SMPD4: variants seen among roughly 807,000 people sequenced by gnomAD.
The protein encoded by SMPD4 is neutral sphingomyelinase 3.
SMPD4 carries 58 observed loss-of-function variants against 97.8 expected under a neutral mutation model. That is an observed-to-expected ratio of 0.59 (90% confidence interval 0.48 to 0.74). SMPD4 has a LOEUF of 0.74. Ranked by LOEUF, SMPD4 falls within the 30% of genes least tolerant of loss-of-function variation. The pLI is 0.00. For synonymous variants in SMPD4, 388 were observed against 450.0 expected (o/e 0.86, Z 1.74); for missense variants, 853 against 1,080.5 (o/e 0.79, Z 2.95).
At chr2:130,157,085 G>T (rs566211423) in intron 12 of SMPD4, among the ~76,000 whole-genome samples, 166 bp downstream of exon 12, 1 of 152,236 alleles carries the variant, frequency 6.6e-6, no homozygotes, top group East Asian at 1.9e-4. Context: ...TGGGCGGGGT[G>T]AGAGGACACC....
Position 130,152,258 on chromosome 2 carries a change from C to A in SMPD4, c.*297G>T, listed in dbSNP as rs536375223. The A allele has an allele frequency of 8.9e-4, 288 of 322,552 alleles. 3 individuals carry two copies. Among genetic ancestry groups the A allele is most frequent in the African/African-American group, 5.7e-3 (271 of 47,416 alleles). 20.0% of individuals were successfully genotyped at this position (322,552 alleles called of 1,614,324 possible). A position where few individuals can be genotyped will look rare whatever the true frequency, so the allele number is the denominator to read the frequency against. ...AGCCAAATGGGCAGTGGAAAAAAGG[C>A]CCCGAGAGCTGGCTTGGCCGTGAGT... is the stretch of plus-strand genomic sequence containing the variant. On this transcript the variant is annotated 3_prime_UTR_variant, in exon 20 of 20. Transcript: ENST00000680298.
At chr2:130,177,783 G>A (rs549819209) in intron 1 of SMPD4, among the ~76,000 whole-genome samples, 179 of 152,000 alleles carry the variant, frequency 1.2e-3, no homozygotes, top group Non-Finnish European at 2.1e-3. Context: ...CTGAATCCTC[G>A]GTAATGCTTG....
At chr2:130,161,686 CTA>C (rs1162948543) in intron 10 of SMPD4, among the ~76,000 whole-genome samples, 1 of 152,168 alleles carries the variant, frequency 6.6e-6, no homozygotes, top group African/African-American at 2.4e-5. Flanking sequence ...TGAGGTCACA[CTA>C]TGTGTGGCAA....
rs755019799 is a variant in SMPD4, at chr2:130,152,862, A to G, written c.2177T>C (p.Leu726Pro). 1 of 1,586,698 alleles carries G rather than the reference A, an allele frequency of 6.3e-7. No individual in the cohort carries two copies. Among genetic ancestry groups the G allele is most frequent in the Non-Finnish European group, 8.6e-7 (1 of 1,164,482 alleles). The stretch of plus-strand genomic sequence containing the variant: ...GCCGAGGAAGTCATCCCGGGAACAC[A>G]GAGCCGCCATCTGTCCTGCAAACTG... ...NHRFAGQMAA[L>P]CSRDDFLGSF... is the part of the protein sequence containing the mutation. The change falls in exon 20 of 20, where the codon CTG becomes CCG. Residue 726 changes from leucine to proline, a missense_variant. By Grantham distance (98) the Leu-to-Pro change is moderately conservative. Coordinates refer to ENST00000680298, the MANE Select transcript of SMPD4 (RefSeq NM_017951.5).
rs1198594818 is a variant in SMPD4 at position 130,153,419 on chromosome 2, A to T, written c.1925T>A (p.Leu642His). 1.2e-6 allele frequency: 2 copies of T among 1,613,718 alleles called. No homozygotes were observed. The highest frequency in any genetic ancestry group is 1.3e-5 in the African/African-American group (1 of 74,912). ...LSEAQLRQFT[L>H]ALGTTQDENG... ...CTCATCCTGGGTGGTGCCCAAGGCG[A>T]GTGTGAACTGCCTGAGCTGCGCTTC... The change falls in exon 18 of 20, where the codon CTC becomes CAC. Residue 642 changes from leucine (L) to histidine (H), a missense_variant. Physicochemically the swap from Leu to His is moderately conservative, Grantham distance 99. Transcript: ENST00000680298.
upstream of SMPD4, chr2:130,181,679 C>T: frequency 1.3e-6 from 2 of 1,548,432 alleles, 1 homozygote; most frequent in Non-Finnish European, 1.7e-6. Context: ...CCTCAAAAGG[C>T]GCGTGCGCAA....
At position 130,153,332 on chromosome 2, in the gene SMPD4, A is replaced by G; in HGVS notation, c.2012T>C (p.Leu671Pro). The part of the protein sequence containing the change: ...VGEDGLILTP[L>P]GRYQIINGLR... ...CGGGCCTCTCACCTGGTACCGCCCC[A>G]GGGGCGTAAGGATGAGTCCGTCCTC... Residue 671 changes from leucine (L) to proline (P), a missense_variant, in exon 18 of 20, where the codon CTG becomes CCG. Coordinates refer to ENST00000680298, the MANE Select transcript of SMPD4 (RefSeq NM_017951.5). 1 of 1,613,712 alleles carries G rather than the reference A, an allele frequency of 6.2e-7. No homozygotes were observed. Among genetic ancestry groups the G allele is most frequent in the Non-Finnish European group, 8.5e-7 (1 of 1,179,996 alleles).
chr2:130,154,813 A>T (rs1420322120), intron 15 of SMPD4: 43 of 597,474 alleles, frequency 7.2e-5, no homozygotes, highest in Admixed American at 5.1e-4. Context: ...GTTGCCAGGG[A>T]GAAACAGCGG....
chr2:130,179,885 C>T (rs1346997956), intron 1 of SMPD4, among the ~76,000 whole-genome samples: 5 of 152,056 alleles, frequency 3.3e-5, no homozygotes, highest in Non-Finnish European at 5.9e-5. Context: ...AAACTCCTGA[C>T]CTCGTGATCA....
intron 8 of SMPD4, among the ~76,000 whole-genome samples, chr2:130,169,277 A>C (rs1470485668): frequency 6.6e-6 from 1 of 152,206 alleles, no homozygotes; most frequent in Non-Finnish European, 1.5e-5. Context: ...GGGGACTAGA[A>C]ATATCACTAT....
chr2:130,163,822 G>A (rs964018069), intron 10 of SMPD4, among the ~76,000 whole-genome samples: 1 of 152,232 alleles, frequency 6.6e-6, no homozygotes, highest in African/African-American at 2.4e-5. Flanking sequence ...CAGAGAGAGA[G>A]AGCAGGGACA....
upstream of SMPD4, chr2:130,181,605 G>A: frequency 1.3e-6 from 2 of 1,598,080 alleles, no homozygotes; most frequent in South Asian, 1.1e-5. Flanking sequence ...TCGTCATCAA[G>A]CTGCGCGCAG....
At chr2:130,180,280 T>C (rs1056784163) in intron 1 of SMPD4, among the ~76,000 whole-genome samples, 1 of 149,646 alleles carries the variant, frequency 6.7e-6, no homozygotes, top group Non-Finnish European at 1.5e-5. Flanking sequence ...TCTTTTTCTT[T>C]TTTCAGACGG....
intron 9 of SMPD4, among the ~76,000 whole-genome samples, chr2:130,166,383 G>A (rs547897821): frequency 3.4e-5 from 5 of 149,184 alleles, no homozygotes; most frequent in Non-Finnish European, 5.9e-5. Context: ...CCCTATAAGC[G>A]CTGTGTCATG....
chr2:130,154,077 T>C lies in SMPD4; in HGVS notation c.1660-142A>G. 2.8e-6 allele frequency: 3 copies of C among 1,082,540 alleles called. No homozygotes were observed. The South Asian group carries it at 5.0e-5, about 18-fold the overall frequency. 67.1% of individuals were successfully genotyped at this position (1,082,540 alleles called of 1,614,324 possible). A position where few individuals can be genotyped will look rare whatever the true frequency, so the allele number is the denominator to read the frequency against. ...AAGACTTTTAAAGACTAAAGGATGA[T>C]CTTCTACATTTGAAATTTCCCAAGA... On this transcript the variant is annotated intron_variant, in intron 16 of 19. Coordinates refer to ENST00000680298, the MANE Select transcript of SMPD4 (RefSeq NM_017951.5).
chr2:130,154,511 C>T, intron 15 of SMPD4, 29 bp from the exon 16 acceptor site: 2 of 1,551,352 alleles, frequency 1.3e-6, no homozygotes, highest in Non-Finnish European at 1.7e-6. Flanking sequence ...ACCTGGCACC[C>T]ACTTCCCGGA....
At chr2:130,158,000 T>A in intron 11 of SMPD4, 1 of 233,182 alleles carries the variant, frequency 4.3e-6, no homozygotes, top group Non-Finnish European at 8.4e-6. Flanking sequence ...GTTAGCTGGG[T>A]GTGGTGGTGC....
At chr2:130,181,723 C>G, upstream of SMPD4, 3 of 1,548,904 alleles carry the variant, frequency 1.9e-6, no homozygotes, top group Non-Finnish European at 2.6e-6. Flanking sequence ...AGAGAAATGG[C>G]GAGGCAGGAG....
chr2:130,161,834 C>T (rs1687453169), intron 10 of SMPD4, among the ~76,000 whole-genome samples: 1 of 152,228 alleles, frequency 6.6e-6, no homozygotes, highest in Non-Finnish European at 1.5e-5. Context: ...CCAGAAAACA[C>T]ATGTGGAATT....
Sources: allele counts gnomAD v4.1 joint callset (sites outside exome capture counted in the v4.1 genomes callset), GRCh38; gene constraint gnomAD v4.1.1; transcripts MANE v1.5; gene names NCBI Gene and HGNC (gene_info 2026-07-23, HGNC 2026-07-21).